CACNB1: variants seen among roughly 807,000 people sequenced by gnomAD.
CACNB1 encodes voltage-dependent L-type calcium channel subunit beta-1.
CACNB1 carries 29 observed loss-of-function variants against 71.6 expected under a neutral mutation model. The observed-to-expected ratio is 0.40, with a 90% confidence interval of 0.30 to 0.55. CACNB1 has a LOEUF of 0.55. Among genes scored for constraint, CACNB1 ranks in the 20% least tolerant of loss-of-function variants. The pLI, the probability that CACNB1 is intolerant of heterozygous loss-of-function variation, is 0.38. For synonymous variants in CACNB1, 300 were observed against 319.6 expected, an observed-to-expected ratio of 0.94 and a Z score of 0.65; for missense variants, 623 against 801.8, an observed-to-expected ratio of 0.78 and a Z score of 2.69.
chr17:39,187,023 C>A (rs2045958463), intron 4 of CACNB1, 94 bp from the exon 5 acceptor site: 2 of 1,401,068 alleles, frequency 1.4e-6, no homozygotes, highest in East Asian at 4.7e-5. Context: ...CCAGACTCAC[C>A]TCCCAGCCCA....
Position 39,175,027 on chromosome 17 carries a change from G to A in CACNB1, c.*166C>T, listed in dbSNP as rs935762826. 4 of 634,918 alleles carry A rather than the reference G, an allele frequency of 6.3e-6. No homozygotes were observed. In the East Asian group the frequency reaches 1.1e-4, roughly 18 times the overall value. 39.3% of individuals were successfully genotyped at this position (634,918 alleles called of 1,614,324 possible). ...GACAGCTGGGGCTTAAGGGCCTCCC[G>A]GGAGCTGGGATGGTAACACCAAAGA... On this transcript the variant is annotated 3_prime_UTR_variant, in exon 14 of 14. Coordinates refer to ENST00000394303, the MANE Select transcript of CACNB1 (RefSeq NM_000723.5). The surrounding 1 kb of genome is among the most constrained non-coding windows in gnomAD (Gnocchi z 4.7).
rs2046131690 is a variant in CACNB1 at position 39,193,390 on chromosome 17, C to T, written c.171+1494G>A. On this transcript the variant is annotated intron_variant, in intron 2 of 13. Coordinates refer to ENST00000394303, the MANE Select transcript of CACNB1 (RefSeq NM_000723.5). Reference sequence around the variant, plus strand: ...ACACGCTGGAGTAAAGGCTGCCCTCCGTCAGCTTTCCTGAGAGGCTGTTCT... The same window carrying T: ...ACACGCTGGAGTAAAGGCTGCCCTCTGTCAGCTTTCCTGAGAGGCTGTTCT... 9 of 406,664 alleles carry T rather than the reference C, an allele frequency of 2.2e-5. 1 individual carries two copies. Among genetic ancestry groups the T allele is most frequent in the Middle Eastern group, 3.5e-4 (1 of 2,862 alleles). 25.2% of individuals were successfully genotyped at this position (406,664 alleles called of 1,614,324 possible).
In CACNB1 at chr17:39,197,552, T is replaced by A; in HGVS notation, c.-57A>T. 1 of 1,328,382 alleles carries A rather than the reference T, an allele frequency of 7.5e-7. No individual in the cohort carries two copies. Among genetic ancestry groups the A allele is most frequent in the Non-Finnish European group, 1.0e-6 (1 of 988,980 alleles). 82.3% of individuals were successfully genotyped at this position (1,328,382 alleles called of 1,614,324 possible). A position where few individuals can be genotyped will look rare whatever the true frequency, so the allele number is the denominator to read the frequency against. On this transcript the variant is annotated 5_prime_UTR_variant, in exon 1 of 14. The change abolishes an upstream ATG in the 5' untranslated region. Coordinates refer to ENST00000394303, the MANE Select transcript of CACNB1 (RefSeq NM_000723.5). ...GGCCCAGCCGGGCTCCCTCAGCGCA[T>A]GGGAGAGGCCGTGGGAGCCGAAAGC...
intron 3 of CACNB1, among the ~76,000 whole-genome samples, chr17:39,190,361 C>T (rs1019467942): frequency 2.6e-5 from 4 of 152,022 alleles, no homozygotes; most frequent in Non-Finnish European, 4.4e-5. Context: ...GTGATCACGC[C>T]GCTACACTCA....
intron 8 of CACNB1, 141 bp downstream of exon 8, chr17:39,184,643 G>A (rs942788199): frequency 8.9e-6 from 6 of 671,932 alleles, no homozygotes; most frequent in Non-Finnish European, 1.6e-5. Context: ...TCTGTGGATT[G>A]GGCCCCCTGG....
chr17:39,177,190 TC>T, intron 13 of CACNB1, 159 bp downstream of exon 13: 1 of 1,482,902 alleles, frequency 6.7e-7, no homozygotes, highest in Non-Finnish European at 8.9e-7. Flanking sequence ...TCCTCCATGT[TC>T]CCTGCACTCC....
intron 10 of CACNB1, 82 bp downstream of exon 10, chr17:39,183,949 C>T (rs1026476836): frequency 2.6e-6 from 4 of 1,554,978 alleles, no homozygotes; most frequent in Non-Finnish European, 3.5e-6. Flanking sequence ...TGGAGATGGC[C>T]CTGCCCACTA....
chr17:39,191,777 C>T (rs961395572), intron 2 of CACNB1, 184 bp from the exon 3 acceptor site: 8 of 583,574 alleles, frequency 1.4e-5, no homozygotes, highest in Non-Finnish European at 1.5e-5. Flanking sequence ...TCTCAGGCCC[C>T]TGGGGAAAGT....
intron 11 of CACNB1, among the ~76,000 whole-genome samples, chr17:39,182,292 A>C (rs1230728720): frequency 1.3e-5 from 2 of 151,328 alleles, no homozygotes; most frequent in Non-Finnish European, 2.9e-5. Flanking sequence ...GCACCACTGC[A>C]CTCCAGCCTG....
At chr17:39,183,945 T>C in intron 10 of CACNB1, 81 bp from the exon 11 acceptor site, 5 of 1,559,960 alleles carry the variant, frequency 3.2e-6, no homozygotes, top group Non-Finnish European at 4.4e-6. Flanking sequence ...CTTCTGGAGA[T>C]GGCCCTGCCC....
intron 3 of CACNB1, among the ~76,000 whole-genome samples, chr17:39,189,658 C>T (rs2046025128): frequency 6.6e-6 from 1 of 151,332 alleles, no homozygotes; most frequent in Non-Finnish European, 1.5e-5. Flanking sequence ...GCCATCACAC[C>T]TGGCTAGTTT....
At chr17:39,182,772 C>T (rs2144115275) in intron 11 of CACNB1, 1 of 153,136 alleles carries the variant, frequency 6.5e-6, no homozygotes, top group South Asian at 2.1e-4. Context: ...GGGCTCCTTA[C>T]AGCAATCCTC....
At chr17:39,184,907 A>G in intron 7 of CACNB1, 43 bp from the exon 8 acceptor site, 1 of 1,341,916 alleles carries the variant, frequency 7.5e-7, no homozygotes, top group Non-Finnish European at 1.1e-6. Context: ...AGTGGAGATG[A>G]CATTAGATCC....
chr17:39,183,833 G>A lies in CACNB1; in HGVS notation c.930C>T (p.Phe310=), dbSNP rs2045854642. Residue 310 remains phenylalanine (F), a synonymous_variant, in exon 11 of 14, where the codon TTC becomes TTT. Coordinates refer to ENST00000394303, the MANE Select transcript of CACNB1 (RefSeq NM_000723.5). ...CCAACTGAAGGGTCCGGGCCAGCTCGAAGATTCGCTCGATTTCACTCTGCA... is the reference window on the plus strand; with the variant it reads ...CCAACTGAAGGGTCCGGGCCAGCTCAAAGATTCGCTCGATTTCACTCTGCA... ...AEVQSEIERI[F]ELARTLQLVA... 42 of 1,613,928 alleles carry A rather than the reference G, an allele frequency of 2.6e-5. No homozygotes were observed. The highest frequency in any genetic ancestry group is 3.4e-5 in the Non-Finnish European group (40 of 1,179,858).
intron 2 of CACNB1, chr17:39,193,060 G>A: frequency 1.7e-5 from 3 of 177,224 alleles, no homozygotes; most frequent in Non-Finnish European, 3.6e-5. Context: ...GCATGCGCGT[G>A]CACACACACA....
chr17:39,184,304 G>A, intron 9 of CACNB1, 21 bp downstream of exon 9: 2 of 1,511,086 alleles, frequency 1.3e-6, no homozygotes, highest in Non-Finnish European at 1.8e-6. Flanking sequence ...CAGGTGCGAG[G>A]AGCAGCTCCC....
intron 1 of CACNB1, among the ~76,000 whole-genome samples, chr17:39,195,438 CAG>C (rs975679494): frequency 1.3e-5 from 2 of 152,158 alleles, no homozygotes; most frequent in African/African-American, 2.4e-5. Context: ...TGGTGGCCCC[CAG>C]AGAGGAGGAA....
rs575943916 is a variant in CACNB1 at position 39,196,360 on chromosome 17, A to G, written c.84+1052T>C. Among the ~76,000 whole-genome samples, 4 of 152,234 alleles carry G rather than the reference A, an allele frequency of 2.6e-5. No individual in the cohort carries two copies. The South Asian group carries it at 8.3e-4, about 32-fold the overall frequency. On this transcript the variant is annotated intron_variant, in intron 1 of 13. Coordinates refer to ENST00000394303, the MANE Select transcript of CACNB1 (RefSeq NM_000723.5). ...TCCCCCACCACTGCCAGGCTGGGCA[A>G]AGGGAGTGGCACTCAGAGGGACAGG...
Position 39,184,378 on chromosome 17 carries a change from T to G in CACNB1, c.735A>C (p.Thr245=). The change falls in exon 9 of 14, where the codon ACA becomes ACC. Residue 245 remains threonine (T), a synonymous_variant. Coordinates refer to ENST00000394303, the MANE Select transcript of CACNB1 (RefSeq NM_000723.5). Reference sequence around the variant, plus strand: ...CAAATAAAGCTTTCTGCATCATGTCTGTAACCTGGGGGTGGGGGTTTGTGG... The same window carrying G: ...CAAATAAAGCTTTCTGCATCATGTCGGTAACCTGGGGGTGGGGGTTTGTGG... ...VGPSLKGYEV[T]DMMQKALFDF... is the part of the protein sequence containing the mutation. The G allele has an allele frequency of 6.7e-7, 1 of 1,503,448 alleles. No homozygotes were observed. The highest frequency in any genetic ancestry group is 2.5e-5 in the East Asian group (1 of 40,442). The allele number at this position is 1,503,448 out of a possible 1,614,324, so 93.1% of individuals were successfully genotyped here. A position where few individuals can be genotyped will look rare whatever the true frequency, so the allele number is the denominator to read the frequency against.
Sources: allele counts gnomAD v4.1 joint callset (sites outside exome capture counted in the v4.1 genomes callset), GRCh38; gene constraint gnomAD v4.1.1; non-coding constraint Gnocchi (gnomAD v3.1); transcripts MANE v1.5; gene names NCBI Gene and HGNC (gene_info 2026-07-23, HGNC 2026-07-21).